The following CDH18 variants were observed in gnomAD, a reference collection of about 807,000 sequenced individuals.
The protein encoded by CDH18 is cadherin-18.
In CDH18, 31 loss-of-function variants were observed where a neutral mutation model predicts 67.9. That is an observed-to-expected ratio of 0.46 (90% confidence interval 0.34 to 0.62). The LOEUF (loss-of-function observed/expected upper bound fraction) is 0.62. Ranked by LOEUF, CDH18 falls within the 20% of genes least tolerant of loss-of-function variation. The pLI, the probability that CDH18 is intolerant of heterozygous loss-of-function variation, is 0.01. For missense variants in CDH18, 890 were observed against 975.5 expected, an observed-to-expected ratio of 0.91 and a Z score of 1.17; for synonymous variants, 362 against 347.2, an observed-to-expected ratio of 1.04 and a Z score of -0.48.
intron 3 of CDH18, among the ~76,000 whole-genome samples, chr5:19,758,139 G>C (rs10059718): frequency 0.019 from 2,889 of 152,234 alleles, 84 homozygotes; most frequent in African/African-American, 0.066. Context: ...GGACCTGCTA[G>C]AGCCTGATCA....
intron 9 of CDH18, among the ~76,000 whole-genome samples, chr5:19,527,301 T>A (rs1580009414): frequency 6.6e-6 from 1 of 151,764 alleles, no homozygotes; most frequent in Admixed American, 6.6e-5. Context: ...TAAAAAAAAG[T>A]GAGCTAAATC....
At chr5:20,137,875 C>T (rs1203771756) in intron 2 of CDH18, among the ~76,000 whole-genome samples, 1 of 152,026 alleles carries the variant, frequency 6.6e-6, no homozygotes, top group Non-Finnish European at 1.5e-5. Flanking sequence ...AGCCGAATTC[C>T]ATCAGAGGTA....
At chr5:19,697,735 AT>A (rs1762720643) in intron 5 of CDH18, among the ~76,000 whole-genome samples, 1 of 152,288 alleles carries the variant, frequency 6.6e-6, no homozygotes, top group Non-Finnish European at 1.5e-5. Context: ...AAGAAGAAAA[AT>A]TGAAAGCCTT....
At chr5:19,784,149 T>A (rs1446332942) in intron 3 of CDH18, among the ~76,000 whole-genome samples, 2 of 152,168 alleles carry the variant, frequency 1.3e-5, no homozygotes, top group African/African-American at 4.8e-5. Context: ...TTTAGAAATG[T>A]ATAGCCTATG....
chr5:20,385,573 G>A (rs1211486565), intron 1 of CDH18, among the ~76,000 whole-genome samples: 2 of 152,116 alleles, frequency 1.3e-5, no homozygotes, highest in East Asian at 3.9e-4. Context: ...TGATACAGAT[G>A]GGAAAACGTT....
intron 1 of CDH18, among the ~76,000 whole-genome samples, chr5:20,557,862 TGTTATA>T (rs1561128721): frequency 3.6e-5 from 4 of 110,188 alleles, no homozygotes; most frequent in East Asian, 5.9e-4. Context: ...TAACATTTAA[TGTTATA>T]GTTATATAAC....
At chr5:20,441,427 G>A (rs1448702749) in intron 1 of CDH18, among the ~76,000 whole-genome samples, 1 of 151,652 alleles carries the variant, frequency 6.6e-6, no homozygotes, top group East Asian at 1.9e-4. Context: ...GTGTGCGTCT[G>A]TGTGTGCCTG....
intron 3 of CDH18, among the ~76,000 whole-genome samples, chr5:19,784,267 G>A (rs1055919969): frequency 2.0e-5 from 3 of 152,126 alleles, no homozygotes; most frequent in African/African-American, 7.2e-5. Context: ...TAGAACAGAT[G>A]ATAACTTGGA....
chr5:20,281,769 T>C (rs933003206), intron 1 of CDH18, among the ~76,000 whole-genome samples: 2 of 152,136 alleles, frequency 1.3e-5, no homozygotes, highest in African/African-American at 4.8e-5. Flanking sequence ...GGTAGTTTGA[T>C]GGGGATGGCA....
chr5:19,625,962 T>A (rs1751478689), intron 5 of CDH18, among the ~76,000 whole-genome samples: 1 of 152,148 alleles, frequency 6.6e-6, no homozygotes, highest in Non-Finnish European at 1.5e-5. Context: ...TTACTCACCC[T>A]TAAAAGCATC....
intron 1 of CDH18, among the ~76,000 whole-genome samples, chr5:20,272,138 G>C (rs2126668454): frequency 6.6e-6 from 1 of 152,160 alleles, no homozygotes; most frequent in South Asian, 2.1e-4. Flanking sequence ...AAAGCAAGTA[G>C]CAAAACAGAC....
chr5:19,575,245 G>C (rs1411047699), intron 7 of CDH18, among the ~76,000 whole-genome samples: 2 of 152,126 alleles, frequency 1.3e-5, no homozygotes, highest in Admixed American at 6.5e-5. Flanking sequence ...TTTAAAATTA[G>C]AATGTAATTA....
intron 2 of CDH18, among the ~76,000 whole-genome samples, chr5:19,923,367 C>A (rs1792721185): frequency 6.6e-6 from 1 of 152,104 alleles, no homozygotes; most frequent in South Asian, 2.1e-4. Flanking sequence ...TTTCTTGATC[C>A]ACAGAAACTT....
intron 2 of CDH18, among the ~76,000 whole-genome samples, chr5:20,196,105 A>G (rs985148771): frequency 6.6e-6 from 1 of 152,170 alleles, no homozygotes; most frequent in Non-Finnish European, 1.5e-5. Context: ...CTGTTTGCAT[A>G]CAAAGTGAGA....
At chr5:20,037,863 C>T (rs181028126) in intron 2 of CDH18, among the ~76,000 whole-genome samples, 3 of 151,848 alleles carry the variant, frequency 2.0e-5, no homozygotes, top group African/African-American at 7.3e-5. Context: ...CAGAGCAGAA[C>T]TGAAGGAGAC....
chr5:19,715,676 T>G (rs1350035419), intron 5 of CDH18, among the ~76,000 whole-genome samples: 1 of 152,156 alleles, frequency 6.6e-6, no homozygotes, highest in Non-Finnish European at 1.5e-5. Flanking sequence ...TATCTTATCT[T>G]TTTAAAATAA....
chr5:20,298,430 G>A (rs905137039), intron 1 of CDH18, among the ~76,000 whole-genome samples: 1 of 152,088 alleles, frequency 6.6e-6, no homozygotes, highest in African/African-American at 2.4e-5. Context: ...TTTTACAAGA[G>A]TTGATTGATA....
At chr5:19,480,911 G>A (rs1476848339) in intron 12 of CDH18, among the ~76,000 whole-genome samples, 3 of 151,930 alleles carry the variant, frequency 2.0e-5, no homozygotes, top group Admixed American at 6.6e-5. Flanking sequence ...CCACCATGAC[G>A]AGCTAGAAAT....
chr5:20,130,805 A>G (rs938940489), intron 2 of CDH18, among the ~76,000 whole-genome samples: 1 of 152,082 alleles, frequency 6.6e-6, no homozygotes, highest in African/African-American at 2.4e-5. Context: ...TTTTCAGAGC[A>G]GACTCATACA....
Sources: gnomAD v4.1 joint callset for allele counts (sites outside exome capture counted in the v4.1 genomes callset) on GRCh38, gnomAD v4.1.1 for gene constraint, MANE v1.5 for transcripts, NCBI Gene and HGNC (gene_info 2026-07-23, HGNC 2026-07-21) for gene names.